RGS14: variants seen among roughly 807,000 people sequenced by gnomAD.
RGS14 encodes regulator of G-protein signaling 14.
A neutral mutation model predicts 63.8 loss-of-function variants in RGS14; 33 were observed. The ratio of observed to expected loss-of-function variants is 0.52; its 90% CI spans 0.39 to 0.69. The LOEUF (loss-of-function observed/expected upper bound fraction) is 0.69, where lower values mean the gene tolerates loss of function less well. RGS14 is among the 30% of genes least tolerant of loss of function. The pLI is 0.00. For missense variants in RGS14, 739 were observed against 742.9 expected, an observed-to-expected ratio of 0.99 and a Z score of 0.06; for synonymous variants, 296 against 320.9, an observed-to-expected ratio of 0.92 and a Z score of 0.83.
In RGS14 at chr5:177,358,544, G is replaced by T. The variant is rs1761880750; in HGVS notation, c.45+475G>T. On this transcript the variant is annotated intron_variant, in intron 1 of 14. Transcript: ENST00000408923. This position sits in a 1 kb window ranked among gnomAD's most constrained non-coding sequence, Gnocchi z 4.8. ...GCCGGAGCTACTCCAGAGGCTTCCT[G>T]CCAGAACTAGCATTGTTTGGGCAGC... 6.6e-6 allele frequency among the ~76,000 whole-genome samples: 1 copy of T among 152,218 alleles called. No individual in the cohort carries two copies. Among genetic ancestry groups the T allele is most frequent in the Non-Finnish European group, 1.5e-5 (1 of 68,032 alleles).
At chr5:177,365,833 C>A in intron 1 of RGS14, 130 bp from the exon 2 acceptor site, 1 of 913,152 alleles carries the variant, frequency 1.1e-6, no homozygotes, top group African/African-American at 1.6e-5. Flanking sequence ...AAACCCTGAC[C>A]AAGTAGAACC....
chr5:177,366,004 G>C lies in RGS14; in HGVS notation c.67+20G>C, dbSNP rs368866556. ...ATGGAGGTAAGTGACAGAATGTGTG[G>C]AGAACTGGCTGAGTGGGAGGGAGGA... On this transcript the variant is annotated intron_variant, in intron 2 of 14. Transcript: ENST00000408923. 51 of 1,613,608 alleles carry C rather than the reference G, an allele frequency of 3.2e-5. 1 individual carries two copies. In the African/African-American group the frequency reaches 3.9e-4, roughly 12 times the overall value.
intron 3 of RGS14, 29 bp downstream of exon 3, chr5:177,366,384 G>C: frequency 6.6e-7 from 1 of 1,517,148 alleles, no homozygotes; most frequent in East Asian, 2.5e-5. Context: ...AAGGGAAGGG[G>C]GGACACGGGA....
intron 9 of RGS14, among the ~76,000 whole-genome samples, chr5:177,369,580 A>G (rs994842891): frequency 6.6e-6 from 1 of 152,156 alleles, no homozygotes; most frequent in African/African-American, 2.4e-5. Flanking sequence ...AACTCCAGAG[A>G]AGGTCTCTTG....
At position 177,358,961 on chromosome 5, in the gene RGS14, C is replaced by T. The variant is rs1761892731; in HGVS notation, c.45+892C>T. 6.6e-6 allele frequency among the ~76,000 whole-genome samples: 1 copy of T among 152,212 alleles called. No homozygotes were observed. The highest frequency in any genetic ancestry group is 1.5e-5 in the Non-Finnish European group (1 of 68,030). On this transcript the variant is annotated intron_variant, in intron 1 of 14. Coordinates refer to ENST00000408923, the MANE Select transcript of RGS14 (RefSeq NM_006480.5). The surrounding 1 kb of genome is among the most constrained non-coding windows in gnomAD (Gnocchi z 4.8). ...ATTCTCTCTTACTGGAGGGAGGGTC[C>T]TCGCCAGCTCTCAGTTTCCTCATCC...
Position 177,370,916 on chromosome 5 carries a change from C to T in RGS14, c.1139C>T (p.Thr380Met), listed in dbSNP as rs1313259121. 2 of 1,605,214 alleles carry T rather than the reference C, an allele frequency of 1.2e-6. No homozygotes were observed. Among genetic ancestry groups the T allele is most frequent in the Admixed American group, 1.7e-5 (1 of 59,916 alleles). The change falls in exon 11 of 15, where the codon ACG becomes ATG. Residue 380 changes from threonine (T) to methionine (M), a missense_variant. By Grantham distance (81) the Thr-to-Met change is moderately conservative (BLOSUM62 -1). Transcript: ENST00000408923. ...AGGGTTCCTCGCAGGCTGGAGCTGA[C>T]GGCGCTGGAGCGCGTGGTACGAATC... is the stretch of plus-strand genomic sequence containing the variant. The part of the protein sequence containing the change: ...ENRITFELEL[T>M]ALERVVRISA...
At chr5:177,367,348 C>G in intron 5 of RGS14, 66 bp from the exon 6 acceptor site, 1 of 1,517,196 alleles carries the variant, frequency 6.6e-7, no homozygotes, top group Non-Finnish European at 8.9e-7. Flanking sequence ...AGGACCCGGC[C>G]TGGGTGCAGG....
chr5:177,369,790 C>T (rs535073101), intron 9 of RGS14, among the ~76,000 whole-genome samples: 4 of 152,348 alleles, frequency 2.6e-5, no homozygotes, highest in South Asian at 2.1e-4. Flanking sequence ...AGGCATTTTG[C>T]CCACTCTTCT....
In RGS14 at chr5:177,359,916, CAG is replaced by C. The variant is rs1761923478; in HGVS notation, c.45+1852_45+1853del. ...AAGTAAATGCTGTGCCGAGGTCAGC[CAG>C]AGAGTAGAGCGTCAGCATCTGAACC... is the stretch of plus-strand genomic sequence containing the variant. On this transcript the variant is annotated intron_variant, in intron 1 of 14. Coordinates refer to ENST00000408923, the MANE Select transcript of RGS14 (RefSeq NM_006480.5). The surrounding 1 kb of genome is among the most constrained non-coding windows in gnomAD (Gnocchi z 4.4). 6.6e-6 allele frequency among the ~76,000 whole-genome samples: 1 copy of C among 152,158 alleles called. No homozygotes were observed. The highest frequency in any genetic ancestry group is 6.5e-5 in the Admixed American group (1 of 15,284).
intron 9 of RGS14, 31 bp downstream of exon 9, chr5:177,368,951 C>CTT: frequency 6.3e-7 from 1 of 1,598,346 alleles, no homozygotes; most frequent in African/African-American, 1.3e-5. Context: ...CAACTCTAAC[C>CTT]TCCTTCCTGA....
At chr5:177,370,745 C>T in intron 10 of RGS14, 81 bp downstream of exon 10, 3 of 1,539,516 alleles carry the variant, frequency 1.9e-6, no homozygotes, top group Admixed American at 1.7e-5. Flanking sequence ...GCTCCCCAGG[C>T]CCCGCCCCTC....
At position 177,372,292 on chromosome 5, in the gene RGS14, C is replaced by T; in HGVS notation, c.*217C>T. The T allele has an allele frequency of 3.6e-6, 2 of 560,980 alleles. No homozygotes were observed. The highest frequency in any genetic ancestry group is 6.3e-6 in the Non-Finnish European group (2 of 315,980). 34.8% of individuals were successfully genotyped at this position (560,980 alleles called of 1,614,324 possible). On this transcript the variant is annotated 3_prime_UTR_variant, in exon 15 of 15. Transcript: ENST00000408923. ...TCCCTCAACAAGCTCACCCCCAATCCCTTGCAGCCAGGCCACAATGGGGGA... is the reference window on the plus strand; with the variant it reads ...TCCCTCAACAAGCTCACCCCCAATCTCTTGCAGCCAGGCCACAATGGGGGA...
rs1761897522 is a variant in RGS14 at position 177,359,131 on chromosome 5, C to T, written c.45+1062C>T. On this transcript the variant is annotated intron_variant, in intron 1 of 14. Transcript: ENST00000408923. The surrounding 1 kb of genome is among the most constrained non-coding windows in gnomAD (Gnocchi z 4.4). ...ATTTTCAGCCCCAATTCAAAGATCTCCTGCCTCACCAAGAAGCTGAGGCAG... is the reference window on the plus strand; with the variant it reads ...ATTTTCAGCCCCAATTCAAAGATCTTCTGCCTCACCAAGAAGCTGAGGCAG... Among the ~76,000 whole-genome samples, 1 of 152,174 alleles carries T rather than the reference C, an allele frequency of 6.6e-6. No homozygotes were observed. The highest frequency in any genetic ancestry group is 6.5e-5 in the Admixed American group (1 of 15,286).
chr5:177,371,867 C>T lies in RGS14; in HGVS notation c.1499-6C>T. The T allele has an allele frequency of 3.1e-6, 5 of 1,609,106 alleles. No homozygotes were observed. Among genetic ancestry groups the T allele is most frequent in the Non-Finnish European group, 4.2e-6 (5 of 1,178,148 alleles). The stretch of plus-strand genomic sequence containing the variant: ...GGGGGACCCTCATGCTGTGGCTTGC[C>T]TCCAGGCCTGGTGGAGCTGCTGAAC... On this transcript the variant is annotated splice_region_variant and splice_polypyrimidine_tract_variant and intron_variant, in intron 14 of 14. Coordinates refer to ENST00000408923, the MANE Select transcript of RGS14 (RefSeq NM_006480.5). This position sits in a 1 kb window ranked among gnomAD's most constrained non-coding sequence, Gnocchi z 6.1.
Position 177,372,185 on chromosome 5 carries a change from C to A in RGS14, c.*110C>A. On this transcript the variant is annotated 3_prime_UTR_variant, in exon 15 of 15. Coordinates refer to ENST00000408923, the MANE Select transcript of RGS14 (RefSeq NM_006480.5). ...CATGAGTGTCCCTGGCCCCTTCCTG[C>A]CATGGGCAGGCCCGCAGGAAGAGCC... is the stretch of plus-strand genomic sequence containing the variant. The A allele has an allele frequency of 8.8e-7, 1 of 1,131,754 alleles. No homozygotes were observed. The highest frequency in any genetic ancestry group is 1.3e-6 in the Non-Finnish European group (1 of 786,990). 70.1% of individuals were successfully genotyped at this position (1,131,754 alleles called of 1,614,324 possible).
In RGS14 at chr5:177,366,332, C is replaced by G; in HGVS notation, c.223C>G (p.Pro75Ala). ...GTCCTTCGAGCGGCTGTTGCAGGAC[C>G]CGCTGGGCCTGGCTTACTTCACTGT... is the stretch of plus-strand genomic sequence containing the variant. ...ALSFERLLQD[P>A]LGLAYFTEFL... Residue 75 changes from proline to alanine, a missense_variant, in exon 3 of 15, where the codon CCG becomes GCG. Coordinates refer to ENST00000408923, the MANE Select transcript of RGS14 (RefSeq NM_006480.5). 1 of 1,550,040 alleles carries G rather than the reference C, an allele frequency of 6.5e-7. No homozygotes were observed. Among genetic ancestry groups the G allele is most frequent in the East Asian group, 2.4e-5 (1 of 41,112 alleles).
In RGS14 at chr5:177,359,202, CTCT is replaced by C. The variant is rs1347875345; in HGVS notation, c.45+1142_45+1144del. 1.3e-5 allele frequency among the ~76,000 whole-genome samples: 2 copies of C among 152,106 alleles called. No homozygotes were observed. Among genetic ancestry groups the C allele is most frequent in the African/African-American group, 2.4e-5 (1 of 41,426 alleles). On this transcript the variant is annotated intron_variant, in intron 1 of 14. Transcript: ENST00000408923. The surrounding 1 kb of genome is among the most constrained non-coding windows in gnomAD (Gnocchi z 4.4). Reference sequence around the variant, plus strand: ...CTTAGTTCCCAAAACCTGCCTCTACCTCTTCTTCTTCCAGCATCTCTTTCCTGC... The same window carrying C: ...CTTAGTTCCCAAAACCTGCCTCTACCTCTTCTTCCAGCATCTCTTTCCTGC...
intron 1 of RGS14, 43 bp from the exon 2 acceptor site, chr5:177,365,920 C>A: frequency 6.2e-7 from 1 of 1,609,748 alleles, no homozygotes; most frequent in Non-Finnish European, 8.5e-7. Context: ...CCCTGGGAAT[C>A]CTCACTGGGC....
chr5:177,369,320 G>A (rs752224101), intron 9 of RGS14, among the ~76,000 whole-genome samples: 1 of 152,076 alleles, frequency 6.6e-6, no homozygotes, highest in Non-Finnish European at 1.5e-5. Flanking sequence ...TTTCCTTTAG[G>A]TGCAAACTAG....
Sources: allele counts gnomAD v4.1 joint callset (sites outside exome capture counted in the v4.1 genomes callset), GRCh38; gene constraint gnomAD v4.1.1; non-coding constraint Gnocchi (gnomAD v3.1); transcripts MANE v1.5; gene names NCBI Gene and HGNC (gene_info 2026-07-23, HGNC 2026-07-21).